ANXA4: variants seen among roughly 807,000 people sequenced by gnomAD.
ANXA4 encodes annexin A4.
Under a neutral mutation model 49.8 loss-of-function variants are expected in ANXA4, and 39 were observed. The ratio of observed to expected loss-of-function variants is 0.78; its 90% confidence interval spans 0.61 to 1.02. ANXA4 has a LOEUF of 1.02. Ranked by LOEUF, ANXA4 falls within the 50% of genes least tolerant of loss-of-function variation. The probability of loss-of-function intolerance (pLI) is 0.00; values close to 1 mark genes in which losing one functional copy is unlikely to be tolerated. For missense variants in ANXA4, 360 were observed against 410.1 expected (o/e 0.88, Z 1.05); for synonymous variants, 134 against 152.5 (o/e 0.88, Z 0.89).
intron 1 of ANXA4, among the ~76,000 whole-genome samples, chr2:69,779,935 A>T (rs1672126959): frequency 6.6e-6 from 1 of 152,192 alleles, no homozygotes; most frequent in Non-Finnish European, 1.5e-5. Context: ...ACCCCCAGGT[A>T]ATAGGGGGTA....
intron 1 of ANXA4, among the ~76,000 whole-genome samples, chr2:69,779,706 C>G (rs1282800068): frequency 6.6e-6 from 1 of 152,240 alleles, no homozygotes; most frequent in African/African-American, 2.4e-5. Flanking sequence ...TTCCCATGAC[C>G]TATGGTATTC....
intron 2 of ANXA4, among the ~76,000 whole-genome samples, chr2:69,696,897 T>A (rs1323036082): frequency 6.6e-6 from 1 of 152,218 alleles, no homozygotes; most frequent in Non-Finnish European, 1.5e-5. Context: ...TAAACAGATG[T>A]GCTGTCATCC....
rs559513954 is a variant in ANXA4, at chr2:69,748,795, C to T, written c.-47+6620C>T. ...GCATGATCGTGGCTCACTGCACCCT[C>T]GACCTCCCAAGCTCAGGGGATCCTC... On this transcript the variant is annotated intron_variant, in intron 1 of 12. Transcript: ENST00000394295. Among the ~76,000 whole-genome samples, 9 of 151,316 alleles carry T rather than the reference C, an allele frequency of 5.9e-5. No homozygotes were observed. In the South Asian group the frequency reaches 1.5e-3, roughly 25 times the overall value.
chr2:69,726,410 A>G (rs1281975951), intron 3 of ANXA4, among the ~76,000 whole-genome samples: 4 of 152,208 alleles, frequency 2.6e-5, no homozygotes, highest in Admixed American at 6.5e-5. Context: ...GGCCAATCCA[A>G]GCATTCTTCA....
intron 3 of ANXA4, among the ~76,000 whole-genome samples, chr2:69,736,740 T>TA (rs1375977816): frequency 6.6e-5 from 10 of 152,256 alleles, no homozygotes; most frequent in African/African-American, 2.4e-4. Context: ...ATTTGACTGC[T>TA]AATTTGTATG....
intron 1 of ANXA4, among the ~76,000 whole-genome samples, chr2:69,779,022 C>T (rs1176701264): frequency 2.0e-5 from 3 of 147,094 alleles, no homozygotes; most frequent in East Asian, 4.1e-4. Context: ...ACAGAAGACT[C>T]GCTTGAACCT....
intron 1 of ANXA4, among the ~76,000 whole-genome samples, chr2:69,755,922 A>G (rs1272357839): frequency 2.0e-5 from 3 of 152,162 alleles, no homozygotes; most frequent in African/African-American, 7.2e-5. Context: ...CCTACCTTTT[A>G]CCATTATCTA....
chr2:69,794,740 A>G (rs903552995), intron 3 of ANXA4, among the ~76,000 whole-genome samples: 1 of 151,726 alleles, frequency 6.6e-6, no homozygotes, highest in Non-Finnish European at 1.5e-5. Flanking sequence ...TTTTTTTTGC[A>G]TTTTTAGTAG....
chr2:69,734,742 C>T (rs35424503), intron 3 of ANXA4, among the ~76,000 whole-genome samples: 8 of 150,940 alleles, frequency 5.3e-5, no homozygotes, highest in African/African-American at 2.0e-4. Flanking sequence ...ATCTTCCAGC[C>T]GGGTGCAGTG....
At chr2:69,818,726 G>A in intron 10 of ANXA4, 32 bp downstream of exon 10, 2 of 1,419,844 alleles carry the variant, frequency 1.4e-6, no homozygotes, top group Non-Finnish European at 9.8e-7. Context: ...AGAAACAAAT[G>A]TTTATAGATT....
intron 8 of ANXA4, among the ~76,000 whole-genome samples, chr2:69,813,756 CTCTTTTT>C (rs1673814776): frequency 1.2e-5 from 1 of 84,658 alleles, no homozygotes. Flanking sequence ...CTCTCTCTCT[CTCTTTTT>C]TTTTTTTTTT....
In ANXA4 at chr2:69,653,731, C is replaced by T. The variant is rs146450774; in HGVS notation, n.766+449C>T. The stretch of plus-strand genomic sequence containing the variant: ...GAGGGTATTTTGGAGGGCCAGGCAC[C>T]AGTCCTTAGCCATGCCTCCTTGTGA... On this transcript the variant is annotated intron_variant and non_coding_transcript_variant, in intron 2 of 3. Coordinates refer to the ANXA4 transcript ENST00000418066. 2.0e-5 allele frequency among the ~76,000 whole-genome samples: 3 copies of T among 152,320 alleles called. No individual in the cohort carries two copies. The East Asian group carries it at 5.8e-4, about 29-fold the overall frequency.
chr2:69,702,516 G>A (rs1476443349), intron 2 of ANXA4, among the ~76,000 whole-genome samples: 1 of 151,904 alleles, frequency 6.6e-6, no homozygotes, highest in African/African-American at 2.4e-5. Context: ...GAAGCCAGGA[G>A]TTGGAGACCA....
At chr2:69,751,791 G>T (rs1670852845) in intron 1 of ANXA4, among the ~76,000 whole-genome samples, 1 of 152,142 alleles carries the variant, frequency 6.6e-6, no homozygotes, top group Admixed American at 6.6e-5. Flanking sequence ...TAAAGGCAGG[G>T]GAGGCAGCTC....
chr2:69,697,347 A>T (rs765211802), intron 2 of ANXA4, among the ~76,000 whole-genome samples: 1 of 152,190 alleles, frequency 6.6e-6, no homozygotes, highest in Non-Finnish European at 1.5e-5. Flanking sequence ...CAGCCTTCGC[A>T]GGATTGAAAA....
intron 12 of ANXA4, 26 bp from the exon 13 acceptor site, chr2:69,825,430 T>G (rs769738071): frequency 1.4e-5 from 22 of 1,588,226 alleles, no homozygotes; most frequent in Non-Finnish European, 1.5e-5. Flanking sequence ...AATCTATTTA[T>G]CTAACTTTGC....
intron 3 of ANXA4, among the ~76,000 whole-genome samples, chr2:69,723,647 T>C (rs984905533): frequency 1.1e-4 from 16 of 152,252 alleles, no homozygotes; most frequent in African/African-American, 3.9e-4. Flanking sequence ...GCCGTTTATC[T>C]ATAACTTTGG....
Position 69,798,074 on chromosome 2 carries a change from C to T in ANXA4, c.98-6459C>T, listed in dbSNP as rs559878010. On this transcript the variant is annotated intron_variant, in intron 3 of 12. Coordinates refer to ENST00000394295, the MANE Select transcript of ANXA4 (RefSeq NM_001153.5). ...TGCCTCATAGAGGGGCTATCCGGTCCGACTGGACAGTGCTGGTTCCTCACA... is the reference window on the plus strand; with the variant it reads ...TGCCTCATAGAGGGGCTATCCGGTCTGACTGGACAGTGCTGGTTCCTCACA... 3.4e-4 allele frequency among the ~76,000 whole-genome samples: 52 copies of T among 152,248 alleles called. No individual in the cohort carries two copies. In the Middle Eastern group the frequency reaches 0.014, roughly 40 times the overall value.
chr2:69,709,273 C>T (rs1478425628), intron 2 of ANXA4, among the ~76,000 whole-genome samples: 1 of 152,200 alleles, frequency 6.6e-6, no homozygotes, highest in Non-Finnish European at 1.5e-5. Flanking sequence ...CAGGATAAGA[C>T]TTTATGTGCA....
Sources: allele counts gnomAD v4.1 joint callset (sites outside exome capture counted in the v4.1 genomes callset), GRCh38; gene constraint gnomAD v4.1.1; transcripts MANE v1.5; gene names NCBI Gene and HGNC (gene_info 2026-07-23, HGNC 2026-07-21).